The following CAMKMT variants were observed in gnomAD, a reference collection of about 807,000 sequenced individuals.
CAMKMT encodes CaM KMT.
Under a neutral mutation model 48.0 loss-of-function variants are expected in CAMKMT, and 53 were observed. The observed-to-expected ratio is 1.10, with a 90% CI of 0.89 to 1.39. The LOEUF (loss-of-function observed/expected upper bound fraction) is 1.39, where lower values mean the gene tolerates loss of function less well. Among genes scored for constraint, CAMKMT ranks in the 40% most tolerant of loss-of-function variants. The pLI is 0.00. For synonymous variants in CAMKMT, 165 were observed against 152.3 expected (o/e 1.08, Z -0.61); for missense variants, 428 against 402.7 (o/e 1.06, Z -0.54).
chr2:44,560,440 T>C (rs1410060468), intron 3 of CAMKMT, among the ~76,000 whole-genome samples: 1 of 152,118 alleles, frequency 6.6e-6, no homozygotes, highest in Non-Finnish European at 1.5e-5. Flanking sequence ...GCTAATTTTT[T>C]AATTTTTTTT....
chr2:44,724,565 T>C (rs952118082), intron 7 of CAMKMT, among the ~76,000 whole-genome samples: 3 of 152,188 alleles, frequency 2.0e-5, no homozygotes, highest in African/African-American at 7.2e-5. Context: ...TTTATATCCC[T>C]GGATTGTTGC....
intron 3 of CAMKMT, among the ~76,000 whole-genome samples, chr2:44,652,345 T>A (rs1171244574): frequency 6.6e-6 from 1 of 152,192 alleles, no homozygotes; most frequent in Non-Finnish European, 1.5e-5. Flanking sequence ...AAAAACATGA[T>A]CATTAGCCCT....
At chr2:44,578,654 G>A (rs960514783) in intron 3 of CAMKMT, among the ~76,000 whole-genome samples, 6 of 152,142 alleles carry the variant, frequency 3.9e-5, no homozygotes, top group African/African-American at 1.4e-4. Context: ...GGCAAATTGG[G>A]TAATGGGATG....
chr2:44,620,320 G>A (rs1221126751), intron 3 of CAMKMT, among the ~76,000 whole-genome samples: 1 of 151,586 alleles, frequency 6.6e-6, no homozygotes, highest in East Asian at 1.9e-4. Context: ...CGTACTGTTG[G>A]ACATTTCAAC....
chr2:44,395,250 T>C (rs1681722667), intron 3 of CAMKMT, among the ~76,000 whole-genome samples: 1 of 152,202 alleles, frequency 6.6e-6, no homozygotes, highest in African/African-American at 2.4e-5. Flanking sequence ...GATGTCTATA[T>C]ATGTAATGCA....
intron 7 of CAMKMT, among the ~76,000 whole-genome samples, chr2:44,727,584 T>C (rs1231045071): frequency 6.6e-6 from 1 of 152,208 alleles, no homozygotes; most frequent in African/African-American, 2.4e-5. Context: ...GACTTTTTAT[T>C]TGGATACCTT....
At chr2:44,743,069 C>T (rs903378832) in intron 7 of CAMKMT, among the ~76,000 whole-genome samples, 1 of 152,196 alleles carries the variant, frequency 6.6e-6, no homozygotes, top group African/African-American at 2.4e-5. Context: ...TAAACCTGAT[C>T]CCCTTTGGGA....
chr2:44,645,947 T>C lies in CAMKMT; in HGVS notation c.377-58336T>C, dbSNP rs140318674. 3.2e-4 allele frequency among the ~76,000 whole-genome samples: 48 copies of C among 152,370 alleles called. No individual in the cohort carries two copies. In the East Asian group the frequency reaches 9.1e-3, roughly 29 times the overall value. The stretch of plus-strand genomic sequence containing the variant: ...AGAAAAAGAAATTATCTTTGCTCAG[T>C]GTTGAACTATTCTGTTATAAAGCAT... On this transcript the variant is annotated intron_variant, in intron 3 of 10. Transcript: ENST00000378494.
intron 3 of CAMKMT, among the ~76,000 whole-genome samples, chr2:44,577,336 A>G (rs986777680): frequency 3.3e-5 from 5 of 152,206 alleles, no homozygotes; most frequent in Non-Finnish European, 7.3e-5. Flanking sequence ...AGCAAGCCAT[A>G]AAGCTTCTTC....
intron 3 of CAMKMT, among the ~76,000 whole-genome samples, chr2:44,637,607 C>T (rs1233551287): frequency 1.3e-5 from 2 of 151,738 alleles, no homozygotes; most frequent in Non-Finnish European, 2.9e-5. Context: ...TCTGGGCTAC[C>T]CAATGGCTTC....
At chr2:44,469,677 C>A (rs1352791825) in intron 3 of CAMKMT, among the ~76,000 whole-genome samples, 1 of 151,976 alleles carries the variant, frequency 6.6e-6, no homozygotes, top group African/African-American at 2.4e-5. Flanking sequence ...CCATCTTAAC[C>A]ATTTTTTAGT....
At chr2:44,379,219 T>G (rs556666474) in intron 2 of CAMKMT, among the ~76,000 whole-genome samples, 8 of 152,354 alleles carry the variant, frequency 5.3e-5, no homozygotes, top group African/African-American at 1.9e-4. Flanking sequence ...TTTTTAAATT[T>G]AAGATTCAGC....
chr2:44,712,820 G>A (rs1004320146), intron 6 of CAMKMT, among the ~76,000 whole-genome samples: 7 of 152,098 alleles, frequency 4.6e-5, no homozygotes, highest in Non-Finnish European at 1.0e-4. Flanking sequence ...ACACTGAGGT[G>A]ACACAGAAGA....
At chr2:44,563,137 A>G (rs998352172) in intron 3 of CAMKMT, among the ~76,000 whole-genome samples, 1 of 146,478 alleles carries the variant, frequency 6.8e-6, no homozygotes, top group African/African-American at 2.4e-5. Flanking sequence ...TTATTGAATT[A>G]ATTTTTAAAT....
chr2:44,386,905 A>G (rs1680829946), intron 2 of CAMKMT, among the ~76,000 whole-genome samples: 1 of 152,118 alleles, frequency 6.6e-6, no homozygotes, highest in Non-Finnish European at 1.5e-5. Context: ...CAGTTTTCTT[A>G]AATGTATTTA....
chr2:44,521,392 C>T (rs925959443), intron 3 of CAMKMT, among the ~76,000 whole-genome samples: 1 of 152,094 alleles, frequency 6.6e-6, no homozygotes, highest in Non-Finnish European at 1.5e-5. Context: ...GATTCCTGTG[C>T]CTCAGCTTCC....
intron 3 of CAMKMT, among the ~76,000 whole-genome samples, chr2:44,612,449 A>G (rs1270987735): frequency 6.6e-6 from 1 of 152,190 alleles, no homozygotes; most frequent in African/African-American, 2.4e-5. Context: ...AAAGGCAAAA[A>G]GGAGAGTTAA....
chr2:44,664,664 T>C (rs1382320258), intron 3 of CAMKMT, among the ~76,000 whole-genome samples: 1 of 152,172 alleles, frequency 6.6e-6, no homozygotes, highest in Non-Finnish European at 1.5e-5. Flanking sequence ...AATGTAAAGA[T>C]AAAAGTAAAG....
intron 1 of CAMKMT, among the ~76,000 whole-genome samples, chr2:44,368,253 T>A (rs1678818723): frequency 6.6e-6 from 1 of 152,244 alleles, no homozygotes; most frequent in Admixed American, 6.5e-5. Flanking sequence ...CATGGGTATT[T>A]GAAGGAGGTC....
Sources: allele counts gnomAD v4.1 joint callset (sites outside exome capture counted in the v4.1 genomes callset), GRCh38; gene constraint gnomAD v4.1.1; transcripts MANE v1.5; gene names NCBI Gene and HGNC (gene_info 2026-07-23, HGNC 2026-07-21).